CYP2J2: variants seen among roughly 807,000 people sequenced by gnomAD.
CYP2J2 encodes the protein cytochrome P450 2J2.
Under a neutral mutation model 48.8 loss-of-function variants are expected in CYP2J2, and 41 were observed. The observed-to-expected ratio is 0.84, with a 90% CI of 0.66 to 1.09. The LOEUF is 1.09. Among genes scored for constraint, CYP2J2 ranks in the 50% least tolerant of loss-of-function variants. The pLI is 0.00. For synonymous variants in CYP2J2, 221 were observed against 227.1 expected (o/e 0.97, Z 0.24); for missense variants, 644 against 617.3 (o/e 1.04, Z -0.46).
chr1:59,930,737 T>A (rs575708738), upstream of CYP2J2, among the ~76,000 whole-genome samples: 57 of 152,144 alleles, frequency 3.7e-4, 1 homozygote, highest in South Asian at 8.5e-3. Flanking sequence ...TATTTTTTTT[T>A]AAATGAAGGA....
At chr1:59,962,387 C>T in the CYP2J2 span, among the ~76,000 whole-genome samples, 2 of 152,160 alleles carry the variant, frequency 1.3e-5, no homozygotes, top group East Asian at 3.9e-4. Context: ...AGAAACATTG[C>T]TAAAAAGGAA....
chr1:59,966,806 C>T, the CYP2J2 span, among the ~76,000 whole-genome samples: 4 of 152,076 alleles, frequency 2.6e-5, no homozygotes, highest in Non-Finnish European at 5.9e-5. Context: ...TTTGGCCAAG[C>T]AGAAAAGGTA....
the CYP2J2 span, among the ~76,000 whole-genome samples, chr1:59,934,148 C>T: frequency 1.3e-5 from 2 of 152,098 alleles, no homozygotes; most frequent in African/African-American, 2.4e-5. Context: ...AGGACAGTCT[C>T]TTCAACAATG....
intron 8 of CYP2J2, among the ~76,000 whole-genome samples, chr1:59,896,223 T>C (rs1393683261): frequency 6.6e-6 from 1 of 152,074 alleles, no homozygotes. Context: ...CCCTAGCTTA[T>C]ATCAGTGGGC....
chr1:59,939,015 G>A, the CYP2J2 span, among the ~76,000 whole-genome samples: 1 of 152,200 alleles, frequency 6.6e-6, no homozygotes, highest in Non-Finnish European at 1.5e-5. Context: ...GCGAGTTCCA[G>A]GTTGGGGCAA....
chr1:59,968,110 C>T, the CYP2J2 span, among the ~76,000 whole-genome samples: 2 of 152,124 alleles, frequency 1.3e-5, no homozygotes, highest in East Asian at 1.9e-4. Flanking sequence ...TTAAAGGAGA[C>T]AGAGATAAAT....
At chr1:59,955,316 CCA>C in the CYP2J2 span, among the ~76,000 whole-genome samples, 1 of 122,546 alleles carries the variant, frequency 8.2e-6, no homozygotes, top group African/African-American at 3.0e-5. Context: ...CCATATATAT[CCA>C]TATATATATG....
the CYP2J2 span, among the ~76,000 whole-genome samples, chr1:59,959,535 TAAAGAA>T: frequency 6.8e-4 from 103 of 152,016 alleles, 3 homozygotes; most frequent in East Asian, 0.017. Context: ...AATAAGTGGA[TAAAGAA>T]AATGTGAGAG....
chr1:59,960,434 A>C, the CYP2J2 span, among the ~76,000 whole-genome samples: 1 of 152,222 alleles, frequency 6.6e-6, no homozygotes, highest in Non-Finnish European at 1.5e-5. Flanking sequence ...TACACAGGGG[A>C]AAGTACACTG....
chr1:59,893,790 T>C lies in CYP2J2; in HGVS notation c.1370A>G (p.Glu457Gly). The C allele has an allele frequency of 1.2e-6, 2 of 1,612,892 alleles. No homozygotes were observed. Among genetic ancestry groups the C allele is most frequent in the Non-Finnish European group, 1.7e-6 (2 of 1,179,510 alleles). ...AAGGGAAGTGAAGAAAATAAACAGCTCAGTCCTGGCCAACTGTTCTCCGAG... is the reference window on the plus strand; with the variant it reads ...AAGGGAAGTGAAGAAAATAAACAGCCCAGTCCTGGCCAACTGTTCTCCGAG... ...ACLGEQLART[E>G]LFIFFTSLMQ... Residue 457 changes from glutamate to glycine, a missense_variant, in exon 9 of 9, where the codon GAG becomes GGG. Transcript: ENST00000371204.
chr1:59,916,074 A>T lies in CYP2J2; in HGVS notation c.237T>A (p.Phe79Leu), dbSNP rs778211943. ...QLFVKKYGNL[F>L]SLELGDISAV... The stretch of plus-strand genomic sequence containing the variant: ...CAGATATGTCACCAAGCTCCAAGCT[A>T]AAAAGGTTCCCATATTTCTTCACAA... Residue 79 changes from phenylalanine to leucine, a missense_variant, in exon 2 of 9, where the codon TTT becomes TTA. Coordinates refer to ENST00000371204, the MANE Select transcript of CYP2J2 (RefSeq NM_000775.4). The T allele has an allele frequency of 3.7e-6, 6 of 1,611,094 alleles. No individual in the cohort carries two copies. The highest frequency in any genetic ancestry group is 5.1e-6 in the Non-Finnish European group (6 of 1,178,868).
rs1644377193 is a variant in CYP2J2, at chr1:59,907,807, C to T, written c.982G>A (p.Ala328Thr). The change falls in exon 6 of 9, where the codon GCC (alanine) becomes ACC (threonine). Residue 328 changes from alanine (A) to threonine (T), a missense_variant. Ala to Thr is a moderately conservative substitution (Grantham distance 58). Transcript: ENST00000371204. ...TCACCTTGGATTTCTGGGTAGAGGG[C>T]CATATAAAGCAGAGCCCATCGCAGA... is the stretch of plus-strand genomic sequence containing the variant. ...TTLRWALLYMALYPEIQEKVQ... is the reference protein window; with the variant it reads ...TTLRWALLYMTLYPEIQEKVQ... 6.2e-7 allele frequency: 1 copy of T among 1,613,764 alleles called. No individual in the cohort carries two copies. Among genetic ancestry groups the T allele is most frequent in the Admixed American group, 1.7e-5 (1 of 59,974 alleles).
chr1:59,911,920 C>G, intron 3 of CYP2J2, 152 bp from the exon 4 acceptor site: 2 of 897,312 alleles, frequency 2.2e-6, no homozygotes, highest in South Asian at 1.8e-5. Flanking sequence ...TGACATACAA[C>G]AAGTATTCAG....
intron 1 of CYP2J2, among the ~76,000 whole-genome samples, chr1:59,920,047 G>A (rs534197331): frequency 1.3e-5 from 2 of 152,100 alleles, no homozygotes; most frequent in African/African-American, 4.8e-5. Flanking sequence ...TTATTATGCT[G>A]ATAGAGAGGG....
chr1:59,922,461 G>T (rs1045209162), intron 1 of CYP2J2, among the ~76,000 whole-genome samples: 3 of 152,038 alleles, frequency 2.0e-5, no homozygotes, highest in African/African-American at 7.2e-5. Flanking sequence ...AACTCCATTT[G>T]TTTTACACCC....
chr1:59,963,216 T>C, the CYP2J2 span, among the ~76,000 whole-genome samples: 1 of 152,294 alleles, frequency 6.6e-6, no homozygotes, highest in African/African-American at 2.4e-5. Context: ...AAATTTGCCA[T>C]TTTAATCATT....
chr1:59,964,979 C>T, the CYP2J2 span, among the ~76,000 whole-genome samples: 1 of 152,070 alleles, frequency 6.6e-6, no homozygotes, highest in Admixed American at 6.6e-5. Flanking sequence ...GCCAGAATGA[C>T]ATATGAAAGA....
chr1:59,909,050 T>C (rs1644388400), intron 5 of CYP2J2, among the ~76,000 whole-genome samples: 1 of 152,164 alleles, frequency 6.6e-6, no homozygotes. Context: ...CCTTTGTGTA[T>C]ACCTCCAAAT....
At chr1:59,894,523 A>G (rs11207535) in intron 8 of CYP2J2, among the ~76,000 whole-genome samples, 24,206 of 152,182 alleles carry the variant, frequency 0.16, 2,248 homozygotes, top group African/African-American at 0.26. Context: ...GGGTGAACTG[A>G]AGGCAGAAGG....
Sources: gnomAD v4.1 joint callset for allele counts (sites outside exome capture counted in the v4.1 genomes callset) on GRCh38, gnomAD v4.1.1 for gene constraint, MANE v1.5 for transcripts, NCBI Gene and HGNC (gene_info 2026-07-23, HGNC 2026-07-21) for gene names.